CSNK2A2IP: variants seen among roughly 807,000 people sequenced by gnomAD.
The protein encoded by CSNK2A2IP is casein kinase 2 subunit alpha' interacting protein.
At chr3:88,452,433 A>C in the CSNK2A2IP span, among the ~76,000 whole-genome samples, 9,425 of 152,178 alleles carry the variant, frequency 0.062, 477 homozygotes, top group East Asian at 0.21. Flanking sequence ...CTGACTCAGC[A>C]CTCCACATGC....
the CSNK2A2IP span, among the ~76,000 whole-genome samples, chr3:88,371,888 C>T: frequency 6.6e-6 from 1 of 151,544 alleles, no homozygotes; most frequent in South Asian, 2.1e-4. Flanking sequence ...GGCCAGGAGG[C>T]ATTAGAATGA....
chr3:88,368,553 G>A, the CSNK2A2IP span, among the ~76,000 whole-genome samples: 1 of 151,806 alleles, frequency 6.6e-6, no homozygotes, highest in Admixed American at 6.6e-5. Flanking sequence ...GCATTTCTGT[G>A]GTGGAAAGAA....
At chr3:88,393,190 C>G in the CSNK2A2IP span, among the ~76,000 whole-genome samples, 1 of 152,136 alleles carries the variant, frequency 6.6e-6, no homozygotes, top group Admixed American at 6.5e-5. Flanking sequence ...TTGATATAGT[C>G]ATTATGTGGA....
the CSNK2A2IP span, among the ~76,000 whole-genome samples, chr3:88,447,171 A>T: frequency 6.6e-6 from 1 of 152,178 alleles, no homozygotes; most frequent in African/African-American, 2.4e-5. Context: ...CATCTATTGA[A>T]ACATAGGTAA....
At chr3:88,374,130 T>C in the CSNK2A2IP span, among the ~76,000 whole-genome samples, 2 of 151,614 alleles carry the variant, frequency 1.3e-5, no homozygotes, top group Admixed American at 1.3e-4. Flanking sequence ...CAAGCAAGGG[T>C]TGAAGCAGGA....
chr3:88,374,114 T>C, the CSNK2A2IP span, among the ~76,000 whole-genome samples: 2 of 151,782 alleles, frequency 1.3e-5, no homozygotes, highest in Middle Eastern at 3.4e-3. Flanking sequence ...GAGAACAGAT[T>C]ACACACAAGC....
chr3:88,465,637 C>T, the CSNK2A2IP span: 1 of 1,231,634 alleles, frequency 8.1e-7, no homozygotes, highest in Non-Finnish European at 1.0e-6. Flanking sequence ...ACCATTGTTC[C>T]ATGCCAAGCA....
chr3:88,415,322 C>A, the CSNK2A2IP span, among the ~76,000 whole-genome samples: 7 of 151,950 alleles, frequency 4.6e-5, no homozygotes, highest in Non-Finnish European at 1.0e-4. Flanking sequence ...AAATTCAAGG[C>A]ACTGATATAG....
chr3:88,426,314 T>A, the CSNK2A2IP span, among the ~76,000 whole-genome samples: 3 of 152,174 alleles, frequency 2.0e-5, no homozygotes, highest in Middle Eastern at 3.2e-3. Context: ...TCTGTTTAGA[T>A]ATAAGGAAGA....
chr3:88,354,393 T>C, the CSNK2A2IP span, among the ~76,000 whole-genome samples: 1 of 152,222 alleles, frequency 6.6e-6, no homozygotes, highest in Non-Finnish European at 1.5e-5. Flanking sequence ...TACTATTTTT[T>C]AAATCTGTAT....
the CSNK2A2IP span, among the ~76,000 whole-genome samples, chr3:88,388,460 G>T: frequency 6.6e-6 from 1 of 152,206 alleles, no homozygotes; most frequent in South Asian, 2.1e-4. Context: ...TCTTTGGTCA[G>T]AATCTTGGCA....
the CSNK2A2IP span, among the ~76,000 whole-genome samples, chr3:88,445,986 CTTTT>C: frequency 1.5e-5 from 2 of 136,460 alleles, no homozygotes; most frequent in African/African-American, 2.8e-5. Context: ...CTCTTTCTTT[CTTTT>C]TTCTTTCTTT....
the CSNK2A2IP span, among the ~76,000 whole-genome samples, chr3:88,351,053 G>C: frequency 6.6e-6 from 1 of 152,130 alleles, no homozygotes; most frequent in East Asian, 1.9e-4. Flanking sequence ...TGAGGACTAA[G>C]AGCACCTTTA....
At chr3:88,366,883 C>T in the CSNK2A2IP span, among the ~76,000 whole-genome samples, 285 of 152,036 alleles carry the variant, frequency 1.9e-3, 2 homozygotes, top group African/African-American at 5.2e-3. Context: ...TGGCTGAAGG[C>T]GAAAGGCACT....
At chr3:88,352,257 A>G in the CSNK2A2IP span, among the ~76,000 whole-genome samples, 5 of 152,172 alleles carry the variant, frequency 3.3e-5, no homozygotes, top group African/African-American at 1.2e-4. Flanking sequence ...ACATGCAGAC[A>G]TAAAACTCAC....
the CSNK2A2IP span, among the ~76,000 whole-genome samples, chr3:88,399,419 C>T: frequency 2.0e-5 from 3 of 152,258 alleles, no homozygotes; most frequent in African/African-American, 2.4e-5. Context: ...GGTAGCCAAA[C>T]GCCTCACTCA....
At chr3:88,436,178 A>T in the CSNK2A2IP span, among the ~76,000 whole-genome samples, 1 of 152,132 alleles carries the variant, frequency 6.6e-6, no homozygotes, top group East Asian at 1.9e-4. Context: ...TAAACATTAT[A>T]AACACCTCAT....
At chr3:88,354,822 T>TTA in the CSNK2A2IP span, among the ~76,000 whole-genome samples, 151 of 152,290 alleles carry the variant, frequency 9.9e-4, no homozygotes, top group African/African-American at 3.5e-3. Context: ...GTGCATATAC[T>TTA]ATACTAATCA....
chr3:88,416,813 TA>T, the CSNK2A2IP span, among the ~76,000 whole-genome samples: 1 of 152,170 alleles, frequency 6.6e-6, no homozygotes, highest in Non-Finnish European at 1.5e-5. Flanking sequence ...TCATTTGAAA[TA>T]AAAGCACCTT....
Sources: allele counts gnomAD v4.1 joint callset (sites outside exome capture counted in the v4.1 genomes callset), GRCh38; gene constraint gnomAD v4.1.1; transcripts MANE v1.5; gene names NCBI Gene and HGNC (gene_info 2026-07-23, HGNC 2026-07-21).